The following IMPDH1 variants were observed in gnomAD, a reference collection of about 807,000 sequenced individuals.
The protein encoded by IMPDH1 is inosine monophosphate dehydrogenase 1.
IMPDH1 carries 41 observed loss-of-function variants against 73.5 expected under a neutral mutation model. That is an observed-to-expected ratio of 0.56 (90% CI 0.43 to 0.72). The LOEUF (loss-of-function observed/expected upper bound fraction) is 0.72, where lower values mean the gene tolerates loss of function less well. Ranked by LOEUF, IMPDH1 falls within the 30% of genes least tolerant of loss-of-function variation. IMPDH1 has a pLI of 0.00. For missense variants in IMPDH1, 645 were observed against 824.8 expected, an observed-to-expected ratio of 0.78 and a Z score of 2.67; for synonymous variants, 318 against 334.3, an observed-to-expected ratio of 0.95 and a Z score of 0.53.
intron 4 of IMPDH1, 80 bp downstream of exon 4, chr7:128,405,687 G>A (rs1051064603): frequency 3.4e-6 from 5 of 1,478,588 alleles, no homozygotes; most frequent in Non-Finnish European, 4.5e-6. Flanking sequence ...AACGCCGGGG[G>A]AGCCGCGCAC....
Position 128,396,876 on chromosome 7 carries a change from A to G in IMPDH1, c.1165+56T>C, listed in dbSNP as rs966211958. The G allele has an allele frequency of 2.8e-5, 37 of 1,328,916 alleles. No individual in the cohort carries two copies. Among genetic ancestry groups the G allele is most frequent in the Admixed American group, 2.0e-4 (12 of 59,504 alleles). The allele number at this position is 1,328,916 out of a possible 1,614,324, so 82.3% of individuals were successfully genotyped here. A position where few individuals can be genotyped will look rare whatever the true frequency, so the allele number is the denominator to read the frequency against. ...ACCTAGGGATGCTGAAGGACAGAAA[A>G]GGGTTACTCATTGGAGGGGCAGGAG... On this transcript the variant is annotated intron_variant, in intron 11 of 16. Transcript: ENST00000338791. This position sits in a 1 kb window ranked among gnomAD's most constrained non-coding sequence, Gnocchi z 4.0.
At chr7:128,405,993 G>A in intron 3 of IMPDH1, 128 bp from the exon 4 acceptor site, 1 of 629,646 alleles carries the variant, frequency 1.6e-6, no homozygotes, top group Non-Finnish European at 2.0e-6. Flanking sequence ...GCGGGCCGGG[G>A]GCGGGGGCGG....
chr7:128,407,703 T>C (rs11769333), intron 3 of IMPDH1, among the ~76,000 whole-genome samples: 1 of 152,134 alleles, frequency 6.6e-6, no homozygotes, highest in African/African-American at 2.4e-5. Context: ...AAGGACCTGC[T>C]CTGGGTCACT....
chr7:128,399,746 T>G (rs1457826806), intron 9 of IMPDH1, among the ~76,000 whole-genome samples: 1 of 152,132 alleles, frequency 6.6e-6, no homozygotes. Flanking sequence ...AGCTCTAGTG[T>G]CAAATAAATT....
intron 9 of IMPDH1, 98 bp downstream of exon 9, chr7:128,399,997 T>A (rs1007979700): frequency 8.4e-6 from 8 of 956,844 alleles, no homozygotes; most frequent in Non-Finnish European, 1.3e-5. Flanking sequence ...CAGGGCTCAG[T>A]CTGGTTGCTG....
chr7:128,409,318 A>C lies in IMPDH1; in HGVS notation c.225T>G (p.Gly75=), dbSNP rs1313699783. 1.2e-6 allele frequency: 2 copies of C among 1,614,002 alleles called. No individual in the cohort carries two copies. The highest frequency in any genetic ancestry group is 1.7e-6 in the Non-Finnish European group (2 of 1,179,994). The part of the protein sequence containing the change: ...LSSVVLLAGV[G]VQMDRLRRAS... The stretch of plus-strand genomic sequence containing the variant: ...CCCTGCGAAGGCGATCCATCTGGAC[A>C]CCAACACCTGCCAGTAAGACCACTG... The change falls in exon 3 of 17, where the codon GGT becomes GGG. Residue 75 remains glycine (G), a synonymous_variant. Transcript: ENST00000338791.
intron 1 of IMPDH1, 108 bp from the exon 2 acceptor site, chr7:128,409,592 G>T (rs946752819): frequency 6.5e-7 from 1 of 1,530,048 alleles, no homozygotes; most frequent in Non-Finnish European, 9.1e-7. Context: ...CCCAACCAAA[G>T]CCGGGAGCGT....
chr7:128,406,001 C>G (rs970552892), intron 3 of IMPDH1, 136 bp from the exon 4 acceptor site: 1 of 553,222 alleles, frequency 1.8e-6, no homozygotes, highest in Non-Finnish European at 2.3e-6. Flanking sequence ...GGGGCGGGGG[C>G]GGGGGCTGCG....
In IMPDH1 at chr7:128,398,676, AG is replaced by A; in HGVS notation, c.875-64del. The A allele has an allele frequency of 7.3e-7, 1 of 1,376,492 alleles. No homozygotes were observed. Among genetic ancestry groups the A allele is most frequent in the South Asian group, 1.2e-5 (1 of 86,064 alleles). 85.3% of individuals were successfully genotyped at this position (1,376,492 alleles called of 1,614,324 possible). On this transcript the variant is annotated intron_variant, in intron 9 of 16. Coordinates refer to ENST00000338791, the MANE Select transcript of IMPDH1 (RefSeq NM_000883.4). This position sits in a 1 kb window ranked among gnomAD's most constrained non-coding sequence, Gnocchi z 4.3. ...GTGGGGAGAAGTTTGGGAGATGTTT[AG>A]GAGGGTGAAGATGAAAGTGGACCAC...
intron 1 of IMPDH1, 70 bp downstream of exon 1, chr7:128,409,686 C>G: frequency 1.3e-6 from 2 of 1,520,998 alleles, no homozygotes; most frequent in Non-Finnish European, 1.8e-6. Context: ...TCGCCGGGTT[C>G]CCGGAGCCGC....
rs373353058 is a variant in IMPDH1 at position 128,400,444 on chromosome 7, A to G, written c.675T>C (p.Ser225=). ...TGCCCGTCTCAGTGATGGGGATGCC[A>G]GAGAAGCCATGCCGCATCTTGGCCT... The part of the protein sequence containing the change: ...VLEAKMRHGF[S]GIPITETGTM... Residue 225 remains serine, a synonymous_variant, in exon 8 of 17, where the codon TCT becomes TCC. Transcript: ENST00000338791. 1.6e-5 allele frequency: 26 copies of G among 1,612,230 alleles called. No individual in the cohort carries two copies. The African/African-American group carries it at 3.3e-4, about 21-fold the overall frequency.
chr7:128,400,922 G>C, intron 6 of IMPDH1, 31 bp from the exon 7 acceptor site: 1 of 1,607,414 alleles, frequency 6.2e-7, no homozygotes, highest in Non-Finnish European at 8.5e-7. Flanking sequence ...GGTCAGAGCC[G>C]GGGCCCATTC....
At chr7:128,401,260 A>T in intron 5 of IMPDH1, 144 bp from the exon 6 acceptor site, 1 of 699,900 alleles carries the variant, frequency 1.4e-6, no homozygotes, top group Non-Finnish European at 2.6e-6. Context: ...CATCTAATGG[A>T]GCTTATGTTC....
intron 5 of IMPDH1, 93 bp from the exon 6 acceptor site, chr7:128,401,209 C>T: frequency 1.1e-6 from 1 of 884,970 alleles, no homozygotes; most frequent in Non-Finnish European, 1.9e-6. Context: ...AGGACAGGCC[C>T]TGGGGACATG....
chr7:128,407,018 A>G (rs2116731246), intron 3 of IMPDH1, among the ~76,000 whole-genome samples: 1 of 152,272 alleles, frequency 6.6e-6, no homozygotes, highest in East Asian at 1.9e-4. Context: ...GTGGGGTGGT[A>G]GGAAGTAGAT....
rs961355328 is a variant in IMPDH1, at chr7:128,398,631, G to A, written c.875-18C>T. On this transcript the variant is annotated intron_variant, in intron 9 of 16. Coordinates refer to ENST00000338791, the MANE Select transcript of IMPDH1 (RefSeq NM_000883.4). This position sits in a 1 kb window ranked among gnomAD's most constrained non-coding sequence, Gnocchi z 4.3. ...CAGCTTCCCTGACAAGGAATGCAGGGGTGAAATGAAGCAGGCTTGGTGGGG... is the reference window on the plus strand; with the variant it reads ...CAGCTTCCCTGACAAGGAATGCAGGAGTGAAATGAAGCAGGCTTGGTGGGG... 1 of 1,606,526 alleles carries A rather than the reference G, an allele frequency of 6.2e-7. No individual in the cohort carries two copies. The highest frequency in any genetic ancestry group is 2.2e-5 in the East Asian group (1 of 44,824).
At position 128,398,644 on chromosome 7, in the gene IMPDH1, A is replaced by G. The variant is rs1798099605; in HGVS notation, c.875-31T>C. ...AAGGAATGCAGGGGTGAAATGAAGC[A>G]GGCTTGGTGGGGAGAAGTTTGGGAG... On this transcript the variant is annotated intron_variant, in intron 9 of 16. Coordinates refer to ENST00000338791, the MANE Select transcript of IMPDH1 (RefSeq NM_000883.4). This position sits in a 1 kb window ranked among gnomAD's most constrained non-coding sequence, Gnocchi z 4.3. 6.3e-7 allele frequency: 1 copy of G among 1,582,132 alleles called. No individual in the cohort carries two copies. Among genetic ancestry groups the G allele is most frequent in the East Asian group, 2.2e-5 (1 of 44,666 alleles).
intron 3 of IMPDH1, among the ~76,000 whole-genome samples, 175 bp downstream of exon 3, chr7:128,409,114 C>G (rs1798965349): frequency 6.6e-6 from 1 of 152,252 alleles, no homozygotes; most frequent in Non-Finnish European, 1.5e-5. Context: ...GCTGCTGTCT[C>G]CTTTTCAGCC....
intron 3 of IMPDH1, among the ~76,000 whole-genome samples, chr7:128,406,396 C>A (rs72624943): frequency 6.7e-6 from 1 of 149,628 alleles, no homozygotes; most frequent in Non-Finnish European, 1.5e-5. Context: ...TTCTGCCGTT[C>A]CCCAATCCCC....
Sources: allele counts gnomAD v4.1 joint callset (sites outside exome capture counted in the v4.1 genomes callset), GRCh38; gene constraint gnomAD v4.1.1; non-coding constraint Gnocchi (gnomAD v3.1); transcripts MANE v1.5; gene names NCBI Gene and HGNC (gene_info 2026-07-23, HGNC 2026-07-21).